TECTA: variants seen among roughly 807,000 people sequenced by gnomAD.
TECTA encodes the protein tectorin alpha.
In TECTA, 128 loss-of-function variants were observed where a neutral mutation model predicts 216.8. That is an observed-to-expected ratio of 0.59 (90% confidence interval 0.51 to 0.68). The LOEUF is 0.68. Ranked by LOEUF, TECTA falls within the 30% of genes least tolerant of loss-of-function variation. TECTA has a pLI of 0.00. For synonymous variants in TECTA, 1,089 were observed against 1,117.1 expected, an observed-to-expected ratio of 0.97 and a Z score of 0.50; for missense variants, 2,551 against 2,786.2, an observed-to-expected ratio of 0.92 and a Z score of 1.90.
intron 15 of TECTA, among the ~76,000 whole-genome samples, chr11:121,160,821 GT>G (rs1450673731): frequency 6.6e-6 from 1 of 152,154 alleles, no homozygotes; most frequent in Non-Finnish European, 1.5e-5. Flanking sequence ...CTAATTGTGT[GT>G]CCTTGCCTCT....
At chr11:121,139,994 A>G (rs1946768864) in intron 11 of TECTA, among the ~76,000 whole-genome samples, 2 of 152,180 alleles carry the variant, frequency 1.3e-5, no homozygotes, top group South Asian at 2.1e-4. Context: ...CTTATGTGAT[A>G]TATTTCCACC....
Position 121,157,999 on chromosome 11 carries a change from G to A in TECTA, c.4464G>A (p.Leu1488=). Residue 1488 remains leucine, a synonymous_variant, in exon 14 of 24, where the codon CTG becomes CTA. Transcript: ENST00000392793. ...GCFSTKTSYC[L]AAGGGVFRTF... Reference sequence around the variant, plus strand: ...TCAGCACCAAGACCTCCTACTGCCTGGCGGCCGGCGGCGGCGTCTTCCGCA... The same window carrying A: ...TCAGCACCAAGACCTCCTACTGCCTAGCGGCCGGCGGCGGCGTCTTCCGCA... 6.2e-7 allele frequency: 1 copy of A among 1,612,850 alleles called. No individual in the cohort carries two copies. Among genetic ancestry groups the A allele is most frequent in the Admixed American group, 1.7e-5 (1 of 60,004 alleles).
At chr11:121,106,247 G>A (rs946312563) in intron 3 of TECTA, among the ~76,000 whole-genome samples, 1 of 152,170 alleles carries the variant, frequency 6.6e-6, no homozygotes, top group Non-Finnish European at 1.5e-5. Flanking sequence ...TGCCATGAAT[G>A]TTATTTCTGC....
chr11:121,115,981 G>A (rs1946497914), intron 6 of TECTA, among the ~76,000 whole-genome samples: 1 of 152,108 alleles, frequency 6.6e-6, no homozygotes, highest in Admixed American at 6.6e-5. Flanking sequence ...ATACAGAAAA[G>A]CCACATTCAC....
chr11:121,166,585 T>C lies in TECTA; in HGVS notation c.5391T>C (p.His1797=). 1.9e-6 allele frequency: 3 copies of C among 1,613,776 alleles called. No individual in the cohort carries two copies. Among genetic ancestry groups the C allele is most frequent in the Non-Finnish European group, 1.7e-6 (2 of 1,179,690 alleles). ...TAATAACTGTTCCCACAGACTCACATGACATTATCGATGCAGAGGTGACCT... is the reference window on the plus strand; with the variant it reads ...TAATAACTGTTCCCACAGACTCACACGACATTATCGATGCAGAGGTGACCT... ...IEPPPYGNNS[H]DIIDAEVTCK... is the part of the protein sequence containing the mutation. The change falls in exon 18 of 24, where the codon CAT becomes CAC. Residue 1797 remains histidine (H), a synonymous_variant. Transcript: ENST00000392793.
chr11:121,189,848 G>T lies in TECTA; in HGVS notation c.6335G>T (p.Gly2112Val). Residue 2112 changes from glycine (G) to valine (V), a missense_variant, in exon 23 of 24, where the codon GGA becomes GTA. Around this residue, in one of 3 missense-constraint regions of TECTA, gnomAD observed 118 missense variants for 116.4 expected, o/e 1.01. Transcript: ENST00000392793. ...GGGCCTCTCTGCAGCTGTGTAACAG[G>T]AACCCTGCAGGAGGACGGCAAGAGC... ...VDGPLCSCVT[G>V]TLQEDGKSCR... The T allele has an allele frequency of 3.7e-6, 6 of 1,613,556 alleles. No homozygotes were observed. Among genetic ancestry groups the T allele is most frequent in the African/African-American group, 1.3e-5 (1 of 74,994 alleles).
At position 121,139,689 on chromosome 11, in the gene TECTA, C is replaced by CAAA. The variant is rs58300066; in HGVS notation, c.3543+1678_3543+1680dup. ...TGGACGACAGAGCAAGACTCTGTCT[C>CAAA]AAAAAAAAAAAAATAATGAATGAAA... On this transcript the variant is annotated intron_variant, in intron 11 of 23. Transcript: ENST00000392793. Among the ~76,000 whole-genome samples, 210 of 142,002 alleles carry CAAA rather than the reference C, an allele frequency of 1.5e-3. 1 individual carries two copies. Among genetic ancestry groups the CAAA allele is most frequent in the African/African-American group, 2.4e-3 (93 of 39,486 alleles). 93.2% of individuals were successfully genotyped at this position (142,002 alleles called of 152,430 possible).
chr11:121,121,871 C>T (rs1946561778), intron 7 of TECTA, among the ~76,000 whole-genome samples: 1 of 152,158 alleles, frequency 6.6e-6, no homozygotes, highest in South Asian at 2.1e-4. Context: ...AAGATTTCCC[C>T]TTCCACTTAC....
chr11:121,190,367 C>T (rs1197388151), intron 23 of TECTA, among the ~76,000 whole-genome samples: 2 of 152,106 alleles, frequency 1.3e-5, no homozygotes, highest in Non-Finnish European at 2.9e-5. Context: ...CGGGTTCAAG[C>T]GATTCTCCTG....
At chr11:121,187,061 A>T (rs2134214815) in intron 20 of TECTA, among the ~76,000 whole-genome samples, 1 of 152,322 alleles carries the variant, frequency 6.6e-6, no homozygotes, top group East Asian at 1.9e-4. Context: ...GGGCATGACT[A>T]GGGGACATTT....
intron 19 of TECTA, 200 bp from the exon 20 acceptor site, chr11:121,168,477 A>AT: frequency 2.1e-6 from 2 of 936,310 alleles, no homozygotes; most frequent in Non-Finnish European, 3.2e-6. Flanking sequence ...GCGGAATTGA[A>AT]TTTTTAATTT....
intron 10 of TECTA, among the ~76,000 whole-genome samples, chr11:121,133,565 T>C (rs1591447165): frequency 6.6e-6 from 1 of 152,344 alleles, no homozygotes; most frequent in East Asian, 1.9e-4. Flanking sequence ...GTTTTCTTTG[T>C]CTTTTCTGAT....
chr11:121,123,439 T>C (rs917013663), intron 7 of TECTA, among the ~76,000 whole-genome samples: 1 of 152,204 alleles, frequency 6.6e-6, no homozygotes, highest in Non-Finnish European at 1.5e-5. Flanking sequence ...TGTCTGCAGC[T>C]AGTTTAGGCT....
At chr11:121,160,532 C>CAG in intron 15 of TECTA, 111 bp downstream of exon 15, 1 of 1,445,522 alleles carries the variant, frequency 6.9e-7, no homozygotes, top group Non-Finnish European at 9.6e-7. Context: ...TGCTCTCCTA[C>CAG]AGAGACGAGC....
intron 12 of TECTA, among the ~76,000 whole-genome samples, chr11:121,152,669 G>T (rs1012473356): frequency 3.9e-5 from 6 of 152,130 alleles, no homozygotes; most frequent in Non-Finnish European, 1.5e-5. Context: ...AGCCACCTCC[G>T]TCTGCATGTT....
At chr11:121,142,014 GCC>G (rs1946789376) in intron 11 of TECTA, among the ~76,000 whole-genome samples, 2 of 152,126 alleles carry the variant, frequency 1.3e-5, no homozygotes, top group African/African-American at 4.8e-5. Context: ...CAGAGCTGAG[GCC>G]TGGAGGATTA....
At chr11:121,110,044 T>C (rs538741) in intron 4 of TECTA, 68,958 of 161,540 alleles carry the variant, frequency 0.43, 15,436 homozygotes, top group Non-Finnish European at 0.51. Context: ...TCATATTTGA[T>C]GTTAATTAGA....
intron 3 of TECTA, among the ~76,000 whole-genome samples, chr11:121,107,917 T>C (rs1946405420): frequency 6.6e-6 from 1 of 152,206 alleles, no homozygotes; most frequent in Admixed American, 6.5e-5. Flanking sequence ...ACCAGGACAC[T>C]ATCACACCAC....
chr11:121,131,424 TCTTTTTCTAAACCA>T (rs1362859263), intron 10 of TECTA, among the ~76,000 whole-genome samples: 1 of 152,204 alleles, frequency 6.6e-6, no homozygotes, highest in Non-Finnish European at 1.5e-5. Context: ...ATATACTCAC[TCTTTTTCTAAACCA>T]CTTGAGAGTA....
Sources: allele counts gnomAD v4.1 joint callset (sites outside exome capture counted in the v4.1 genomes callset), GRCh38; gene constraint gnomAD v4.1.1; regional missense constraint gnomAD v4.1.1; transcripts MANE v1.5; gene names NCBI Gene and HGNC (gene_info 2026-07-23, HGNC 2026-07-21).